The following CRY1 variants were observed in gnomAD, a reference collection of about 807,000 sequenced individuals.
CRY1 encodes the protein cryptochrome circadian regulator 1.
CRY1 carries 45 observed loss-of-function variants against 76.0 expected under a neutral mutation model. That is an observed-to-expected ratio of 0.59 (90% CI 0.47 to 0.76). CRY1 has a LOEUF of 0.76. Among genes scored for constraint, CRY1 ranks in the 30% least tolerant of loss-of-function variants. The probability of loss-of-function intolerance (pLI) is 0.00; values close to 1 mark genes in which losing one functional copy is unlikely to be tolerated. For missense variants in CRY1, 587 were observed against 716.4 expected (o/e 0.82, Z 2.06); for synonymous variants, 248 against 244.0 (o/e 1.02, Z -0.15).
chr12:107,031,973 C>T (rs948325720), intron 1 of CRY1, among the ~76,000 whole-genome samples: 4 of 152,126 alleles, frequency 2.6e-5, no homozygotes, highest in African/African-American at 7.2e-5. Flanking sequence ...TCGCTCTTGT[C>T]GCCCAGGATA....
At chr12:107,075,604 C>G (rs1953242924) in intron 1 of CRY1, among the ~76,000 whole-genome samples, 1 of 152,124 alleles carries the variant, frequency 6.6e-6, no homozygotes, top group South Asian at 2.1e-4. Context: ...CAGAACAATA[C>G]TCATTTATAC....
At chr12:106,992,179 A>C in intron 12 of CRY1, 178 bp from the exon 13 acceptor site, 1 of 152,182 alleles carries the variant, frequency 6.6e-6, no homozygotes, top group Non-Finnish European at 1.5e-5. Flanking sequence ...AGAAACAGAA[A>C]ATTTTTAAAA....
chr12:107,054,471 A>C (rs1371176799), intron 1 of CRY1, among the ~76,000 whole-genome samples: 1 of 151,722 alleles, frequency 6.6e-6, no homozygotes, highest in Non-Finnish European at 1.5e-5. Context: ...AAAAAATAGA[A>C]CAGGAAGGAC....
chr12:107,001,642 C>G, intron 4 of CRY1, 122 bp downstream of exon 4: 1 of 859,006 alleles, frequency 1.2e-6, no homozygotes, highest in Non-Finnish European at 1.8e-6. Context: ...TTCTTCTCCC[C>G]CTGCCCTTTC....
At chr12:107,012,302 C>G (rs561307429) in intron 2 of CRY1, among the ~76,000 whole-genome samples, 1 of 152,354 alleles carries the variant, frequency 6.6e-6, no homozygotes, top group African/African-American at 2.4e-5. Flanking sequence ...AGCCAATTCT[C>G]ATTGCCCATT....
At chr12:107,063,550 G>A (rs17038985) in intron 1 of CRY1, among the ~76,000 whole-genome samples, 18,835 of 152,150 alleles carry the variant, frequency 0.12, 1,963 homozygotes, top group African/African-American at 0.27. Context: ...GGTAATCTAG[G>A]CCATGTGGTA....
At chr12:107,016,229 G>A (rs376516940) in intron 2 of CRY1, among the ~76,000 whole-genome samples, 3 of 152,286 alleles carry the variant, frequency 2.0e-5, no homozygotes, top group East Asian at 3.9e-4. Context: ...AGAATCACTT[G>A]AACCCAGGAG....
At chr12:107,083,499 A>G (rs537567922) in intron 1 of CRY1, among the ~76,000 whole-genome samples, 10 of 152,332 alleles carry the variant, frequency 6.6e-5, no homozygotes, top group African/African-American at 2.2e-4. Flanking sequence ...CCACACGATC[A>G]AGGCAGCTTC....
At chr12:107,053,982 AAGAG>A (rs1408528959) in intron 1 of CRY1, among the ~76,000 whole-genome samples, 1 of 152,180 alleles carries the variant, frequency 6.6e-6, no homozygotes, top group South Asian at 2.1e-4. Flanking sequence ...AAACAAACCT[AAGAG>A]AGTTTACCAT....
chr12:106,995,944 A>C (rs894094892), intron 10 of CRY1, among the ~76,000 whole-genome samples: 1 of 152,152 alleles, frequency 6.6e-6, no homozygotes, highest in African/African-American at 2.4e-5. Context: ...CCTGGGTTCA[A>C]GTGATTCTCC....
intron 2 of CRY1, among the ~76,000 whole-genome samples, chr12:107,021,391 T>A (rs1566250404): frequency 6.6e-6 from 1 of 152,214 alleles, no homozygotes. Context: ...ACAAATGTAC[T>A]GGCCCATGTG....
At chr12:107,039,474 A>G (rs1010232943) in intron 1 of CRY1, among the ~76,000 whole-genome samples, 15 of 152,372 alleles carry the variant, frequency 9.8e-5, no homozygotes, top group African/African-American at 2.9e-4. Flanking sequence ...CTGCAACTCA[A>G]TAACAGAAAA....
chr12:107,093,483 G>A lies in CRY1; in HGVS notation c.-522C>T, dbSNP rs9919743. The stretch of plus-strand genomic sequence containing the variant: ...GAAAGGACCGGGAACGGAGGCTAGA[G>A]GCGGTGGTCGAGGCCGCTGGACGGT... On this transcript the variant is annotated 5_prime_UTR_variant, in exon 1 of 13. Transcript: ENST00000008527. 4.7e-3 allele frequency: 716 copies of A among 152,706 alleles called. 7 individuals are homozygous for A. The highest frequency in any genetic ancestry group is 0.016 in the African/African-American group (674 of 41,594). The allele number at this position is 152,706 out of a possible 1,614,324, so 9.5% of individuals were successfully genotyped here.
chr12:107,083,899 T>C (rs1381252623), intron 1 of CRY1, among the ~76,000 whole-genome samples: 2 of 152,194 alleles, frequency 1.3e-5, no homozygotes, highest in African/African-American at 4.8e-5. Flanking sequence ...AGTCAAATTG[T>C]CTTTGTTTGC....
At chr12:107,091,141 G>A (rs979478364) in intron 1 of CRY1, among the ~76,000 whole-genome samples, 2 of 151,794 alleles carry the variant, frequency 1.3e-5, no homozygotes, top group African/African-American at 4.8e-5. Context: ...CTAGGTTCAT[G>A]CGATTCTCGT....
At chr12:107,016,422 A>T (rs930387514) in intron 2 of CRY1, among the ~76,000 whole-genome samples, 3 of 152,344 alleles carry the variant, frequency 2.0e-5, no homozygotes, top group Admixed American at 6.5e-5. Context: ...AGCAATGTAA[A>T]ATTTGATAGT....
chr12:107,080,984 AAGAAGAAAAAGT>A (rs991795231), intron 1 of CRY1, among the ~76,000 whole-genome samples: 10 of 152,108 alleles, frequency 6.6e-5, no homozygotes, highest in Non-Finnish European at 1.5e-4. Context: ...GCAACCTAAA[AAGAAGAAAAAGT>A]AGAAGAAAAG....
intron 1 of CRY1, among the ~76,000 whole-genome samples, chr12:107,055,187 C>G (rs980140228): frequency 2.6e-5 from 4 of 152,106 alleles, no homozygotes; most frequent in African/African-American, 7.2e-5. Flanking sequence ...TTATTTACAG[C>G]ATAGTCTCTG....
chr12:107,072,408 G>A (rs1041293661), intron 1 of CRY1, among the ~76,000 whole-genome samples: 2 of 152,166 alleles, frequency 1.3e-5, no homozygotes, highest in Non-Finnish European at 2.9e-5. Flanking sequence ...TTTGATGTGG[G>A]CAGTTTGATG....
Sources: allele counts gnomAD v4.1 joint callset (sites outside exome capture counted in the v4.1 genomes callset), GRCh38; gene constraint gnomAD v4.1.1; transcripts MANE v1.5; gene names NCBI Gene and HGNC (gene_info 2026-07-23, HGNC 2026-07-21).